Variants in TRAK1 observed in about 807,000 individuals in gnomAD.
TRAK1 encodes trafficking kinesin protein 1.
Under a neutral mutation model 92.1 loss-of-function variants are expected in TRAK1, and 33 were observed. The ratio of observed to expected loss-of-function variants is 0.36; its 90% CI spans 0.27 to 0.48. The LOEUF is 0.48. Ranked by LOEUF, TRAK1 falls within the 20% of genes least tolerant of loss-of-function variation. TRAK1 has a pLI of 0.99. For missense variants in TRAK1, 1,123 were observed against 1,257.9 expected, an observed-to-expected ratio of 0.89 and a Z score of 1.62; for synonymous variants, 521 against 517.3, an observed-to-expected ratio of 1.01 and a Z score of -0.10.
At chr3:42,073,126 G>GTTT (rs1204762189) in intron 1 of TRAK1, among the ~76,000 whole-genome samples, 1 of 152,232 alleles carries the variant, frequency 6.6e-6, no homozygotes, top group Non-Finnish European at 1.5e-5. Context: ...AGCAGAATCT[G>GTTT]TAACAGGGGC....
intron 1 of TRAK1, among the ~76,000 whole-genome samples, chr3:42,055,423 A>G (rs530409798): frequency 2.0e-4 from 31 of 152,290 alleles, no homozygotes; most frequent in African/African-American, 6.3e-4. Flanking sequence ...ATGGAATTCA[A>G]TGGTTTTCAG....
At chr3:42,042,165 G>A (rs1313116042) in intron 1 of TRAK1, among the ~76,000 whole-genome samples, 2 of 152,118 alleles carry the variant, frequency 1.3e-5, no homozygotes, top group Non-Finnish European at 2.9e-5. Flanking sequence ...GACTTCAGGT[G>A]ATCCTCCCAC....
chr3:42,035,070 AC>A (rs1702277833), intron 1 of TRAK1, among the ~76,000 whole-genome samples: 2 of 152,146 alleles, frequency 1.3e-5, no homozygotes, highest in South Asian at 4.1e-4. Flanking sequence ...TTGCCATCAG[AC>A]ATCTGAGCCT....
chr3:42,140,576 G>A (rs978957637), intron 2 of TRAK1, among the ~76,000 whole-genome samples: 8 of 152,154 alleles, frequency 5.3e-5, no homozygotes, highest in African/African-American at 1.9e-4. Context: ...GCAGTGAGCC[G>A]AGATCGCACC....
At chr3:42,019,125 AAAAG>A (rs1224424601) in intron 1 of TRAK1, among the ~76,000 whole-genome samples, 1 of 152,174 alleles carries the variant, frequency 6.6e-6, no homozygotes, top group African/African-American at 2.4e-5. Flanking sequence ...AAGAAAAAGA[AAAAG>A]AAAAAAAAAG....
chr3:42,038,403 TA>T (rs1460134504), intron 1 of TRAK1, among the ~76,000 whole-genome samples: 13 of 152,180 alleles, frequency 8.5e-5, no homozygotes, highest in African/African-American at 3.1e-4. Context: ...CAGCTTACTG[TA>T]ACCTCAACCT....
chr3:42,016,393 C>T (rs1421938869), intron 1 of TRAK1, among the ~76,000 whole-genome samples: 1 of 152,002 alleles, frequency 6.6e-6, no homozygotes, highest in Non-Finnish European at 1.5e-5. Flanking sequence ...TTAGTAGAGA[C>T]GGGGTTTCAC....
rs907117994 is a variant in TRAK1, at chr3:42,091,408, G to A, written c.-62G>A. The A allele has an allele frequency of 1.3e-6, 2 of 1,513,822 alleles. No individual in the cohort carries two copies. The highest frequency in any genetic ancestry group is 3.6e-5 in the Admixed American group (2 of 54,996). The allele number at this position is 1,513,822 out of a possible 1,614,324, so 93.8% of individuals were successfully genotyped here. A position where few individuals can be genotyped will look rare whatever the true frequency, so the allele number is the denominator to read the frequency against. On this transcript the variant is annotated 5_prime_UTR_variant, in exon 1 of 16. Coordinates refer to ENST00000327628, the MANE Select transcript of TRAK1 (RefSeq NM_001042646.3). ...GGGTGGCTGTGCGAGGTACTGCCGG[G>A]GCTGAGCTCTCATGGAGGCTCTCTC...
chr3:42,172,843 CTTATA>C (rs1702736618), intron 2 of TRAK1, among the ~76,000 whole-genome samples: 1 of 152,142 alleles, frequency 6.6e-6, no homozygotes, highest in Non-Finnish European at 1.5e-5. Context: ...CCATAATTTT[CTTATA>C]TTAAATTATC....
chr3:42,066,646 C>T (rs1039163776), intron 1 of TRAK1, among the ~76,000 whole-genome samples: 1 of 152,160 alleles, frequency 6.6e-6, no homozygotes, highest in Non-Finnish European at 1.5e-5. Context: ...AGTTTGTAGC[C>T]TGTGTGTTTC....
Position 42,209,766 on chromosome 3 carries a change from G to A in TRAK1, c.1745-1G>A. The A allele has an allele frequency of 1.2e-6, 2 of 1,613,686 alleles. No individual in the cohort carries two copies. Among genetic ancestry groups the A allele is most frequent in the Non-Finnish European group, 1.7e-6 (2 of 1,179,818 alleles). On this transcript the variant is annotated splice_acceptor_variant, in intron 13 of 15. Transcript: ENST00000327628. LOFTEE classifies it high-confidence loss of function. ...TTCTTCCCTTCCCTTTCTCCTGCAA[G>A]GTTCCGCCACACTTCACCACTGGCA...
intron 1 of TRAK1, among the ~76,000 whole-genome samples, chr3:42,062,109 T>C (rs990477274): frequency 6.6e-6 from 1 of 152,228 alleles, no homozygotes; most frequent in Non-Finnish European, 1.5e-5. Flanking sequence ...GCAGGAATCC[T>C]ACAGCAGACA....
intron 1 of TRAK1, among the ~76,000 whole-genome samples, chr3:42,053,223 T>C (rs1380457647): frequency 1.3e-5 from 2 of 152,152 alleles, no homozygotes; most frequent in African/African-American, 4.8e-5. Context: ...GGCTGACTTT[T>C]CTCTAATGTT....
At chr3:42,059,171 C>G (rs1163773847) in intron 1 of TRAK1, among the ~76,000 whole-genome samples, 1 of 151,772 alleles carries the variant, frequency 6.6e-6, no homozygotes, top group African/African-American at 2.4e-5. Flanking sequence ...CATGGCTTGC[C>G]GTAGCCTCAA....
chr3:42,106,977 TAATAA>T (rs1170648758), intron 1 of TRAK1, among the ~76,000 whole-genome samples: 1 of 152,204 alleles, frequency 6.6e-6, no homozygotes, highest in Non-Finnish European at 1.5e-5. Flanking sequence ...TTTGTACTAT[TAATAA>T]AATAAGTTTT....
intron 1 of TRAK1, among the ~76,000 whole-genome samples, chr3:42,019,659 A>T (rs942258481): frequency 6.6e-6 from 1 of 152,092 alleles, no homozygotes. Context: ...AGTTTTGCAA[A>T]ATGTAGAACA....
At chr3:42,197,002 T>TCACACACACA (rs773977076) in intron 10 of TRAK1, among the ~76,000 whole-genome samples, 20 of 103,524 alleles carry the variant, frequency 1.9e-4, no homozygotes, top group African/African-American at 6.5e-4. Context: ...TCTCTCTCTC[T>TCACACACACA]CACACACACA....
At chr3:42,065,097 C>T (rs1018293564) in intron 1 of TRAK1, among the ~76,000 whole-genome samples, 5 of 150,710 alleles carry the variant, frequency 3.3e-5, no homozygotes, top group Non-Finnish European at 7.4e-5. Flanking sequence ...AACAAACAAA[C>T]AAAAATTAGC....
chr3:42,014,541 T>C (rs1043664169), intron 1 of TRAK1, among the ~76,000 whole-genome samples: 1 of 152,262 alleles, frequency 6.6e-6, no homozygotes, highest in Non-Finnish European at 1.5e-5. Context: ...TTTGTCACTT[T>C]CTTGACCTGA....
Sources: gnomAD v4.1 joint callset for allele counts (sites outside exome capture counted in the v4.1 genomes callset) on GRCh38, gnomAD v4.1.1 for gene constraint, MANE v1.5 for transcripts, NCBI Gene and HGNC (gene_info 2026-07-23, HGNC 2026-07-21) for gene names.